Variants in ZNF280C observed in about 807,000 individuals in gnomAD.
ZNF280C encodes the protein suppressor of hairy wing homolog 3.
Under a neutral mutation model 53.6 loss-of-function variants are expected in ZNF280C, and 14 were observed. That is an observed-to-expected ratio of 0.26 (90% CI 0.17 to 0.41). The LOEUF (loss-of-function observed/expected upper bound fraction) is 0.41, where lower values mean the gene tolerates loss of function less well. Ranked by LOEUF, ZNF280C falls within the 10% of genes least tolerant of loss-of-function variation. ZNF280C has a pLI of 1.00. For missense variants in ZNF280C, 416 were observed against 547.1 expected, an observed-to-expected ratio of 0.76 and a Z score of 2.39; for synonymous variants, 203 against 181.1, an observed-to-expected ratio of 1.12 and a Z score of -0.97.
At chrX:130,237,103 A>C (rs1460502215) in intron 6 of ZNF280C, among the ~76,000 whole-genome samples, 1 of 112,138 alleles carries the variant, frequency 8.9e-6, no homozygotes, top group African/African-American at 3.2e-5. Context: ...CCAAACGTTT[A>C]GAGAAACATT....
chrX:130,247,169 C>T (rs1280251045), intron 2 of ZNF280C, among the ~76,000 whole-genome samples, 164 bp from the exon 3 acceptor site: 1 of 112,307 alleles, frequency 8.9e-6, no homozygotes, highest in African/African-American at 3.2e-5. Context: ...GTTGCCCAGG[C>T]GTGATCTCGG....
intron 15 of ZNF280C, among the ~76,000 whole-genome samples, chrX:130,214,126 T>G (rs2032074038): frequency 9.0e-6 from 1 of 111,234 alleles, no homozygotes; most frequent in African/African-American, 3.3e-5. Flanking sequence ...TAACTGAAAA[T>G]AAATGGAACT....
chrX:130,260,382 C>T (rs1383860654), intron 2 of ZNF280C, 37 bp downstream of exon 2: 1 of 1,155,665 alleles, frequency 8.7e-7, no homozygotes, highest in African/African-American at 1.8e-5. Context: ...GTACAAAAAC[C>T]ATGCCTATTA....
Position 130,239,627 on chromosome X carries a change from C to T in ZNF280C, c.448G>A (p.Glu150Lys). ...SSILLFDSTQ[E>K]SLPPSQDIPA... ...ATGTCTTGGGATGGTGGTAGTGATT[C>T]CTGGGTCGAGTCAAACAGTAAAATT... Residue 150 changes from glutamate (E) to lysine (K), a missense_variant, in exon 6 of 19, where the codon GAA (glutamate) becomes AAA (lysine). Physicochemically the swap from Glu to Lys is moderately conservative, Grantham distance 56 (BLOSUM62 1). Transcript: ENST00000370978. 2 of 1,205,017 alleles carry T rather than the reference C, an allele frequency of 1.7e-6. No homozygotes were observed. Among genetic ancestry groups the T allele is most frequent in the Admixed American group, 2.2e-5 (1 of 45,864 alleles).
intron 2 of ZNF280C, among the ~76,000 whole-genome samples, chrX:130,255,548 T>A (rs1213524138): frequency 9.2e-6 from 1 of 108,152 alleles, no homozygotes; most frequent in Non-Finnish European, 1.9e-5. Flanking sequence ...ACAAAAAAAA[T>A]TCCTAGTTCT....
chrX:130,266,776 GA>G (rs901284652), intron 1 of ZNF280C, among the ~76,000 whole-genome samples: 1 of 111,514 alleles, frequency 9.0e-6, no homozygotes, highest in African/African-American at 3.3e-5. Context: ...AGAGCACTGG[GA>G]AAAAAAGTCT....
intron 3 of ZNF280C, among the ~76,000 whole-genome samples, chrX:130,245,058 C>T (rs940127797): frequency 9.0e-6 from 1 of 111,556 alleles, no homozygotes; most frequent in African/African-American, 3.3e-5. Context: ...CTCTCCTTCC[C>T]CTGCCTTCAT....
intron 14 of ZNF280C, 124 bp from the exon 15 acceptor site, chrX:130,215,457 AAT>A (rs1486201575): frequency 1.5e-6 from 1 of 683,447 alleles, no homozygotes; most frequent in African/African-American, 2.3e-5. Context: ...GTAGACTCAT[AAT>A]TTCAAAATTT....
chrX:130,216,305 T>G (rs2032103567), intron 13 of ZNF280C, among the ~76,000 whole-genome samples: 1 of 111,655 alleles, frequency 9.0e-6, no homozygotes, highest in Non-Finnish European at 1.9e-5. Context: ...AACCCTTACC[T>G]CATATTATAT....
At chrX:130,227,213 T>TA (rs763346935) in intron 11 of ZNF280C, among the ~76,000 whole-genome samples, 240 of 112,085 alleles carry the variant, frequency 2.1e-3, no homozygotes, top group Admixed American at 5.1e-3. Flanking sequence ...TTTCCTGCTA[T>TA]ATAAAACAGA....
chrX:130,233,325 A>T (rs2032297415), intron 8 of ZNF280C, among the ~76,000 whole-genome samples: 1 of 111,779 alleles, frequency 8.9e-6, no homozygotes, highest in African/African-American at 3.3e-5. Context: ...TTACATACTT[A>T]AAAAAATTTG....
At chrX:130,263,228 A>C (rs2032649790) in intron 1 of ZNF280C, among the ~76,000 whole-genome samples, 1 of 112,606 alleles carries the variant, frequency 8.9e-6, no homozygotes, top group African/African-American at 3.2e-5. Flanking sequence ...AATTGAAAAC[A>C]TATGTCCACA....
intron 8 of ZNF280C, among the ~76,000 whole-genome samples, chrX:130,235,377 T>C (rs960088174): frequency 3.1e-4 from 34 of 111,229 alleles, no homozygotes; most frequent in Middle Eastern, 4.2e-3. Flanking sequence ...TAGCCAGGCA[T>C]GGTGGTGCTA....
intron 3 of ZNF280C, 86 bp from the exon 4 acceptor site, chrX:130,243,951 T>A (rs940414889): frequency 2.0e-4 from 111 of 558,406 alleles, no homozygotes; most frequent in Middle Eastern, 6.1e-4. Flanking sequence ...TATCTTTGCA[T>A]AACCAATAAT....
At chrX:130,259,611 G>A (rs1426602808) in intron 2 of ZNF280C, among the ~76,000 whole-genome samples, 2 of 112,448 alleles carry the variant, frequency 1.8e-5, no homozygotes, top group Non-Finnish European at 3.8e-5. Flanking sequence ...AGTAGTTATC[G>A]CTGGGGATGA....
At chrX:130,224,796 G>A (rs1394997920) in intron 12 of ZNF280C, among the ~76,000 whole-genome samples, 1 of 111,380 alleles carries the variant, frequency 9.0e-6, no homozygotes, top group African/African-American at 3.3e-5. Flanking sequence ...ATTTTCAGAC[G>A]ACTCCTCCCA....
At position 130,211,010 on chromosome X, in the gene ZNF280C, A is replaced by C. The variant is rs185565317; in HGVS notation, c.1980-1295T>G. ...GATTCTTATGCAAGCTAGTTTGAGA[A>C]GCACTAGCCCTATCTTGCACTGACA... On this transcript the variant is annotated intron_variant, in intron 15 of 18. Coordinates refer to ENST00000370978, the MANE Select transcript of ZNF280C (RefSeq NM_017666.5). Among the ~76,000 whole-genome samples the C allele has an allele frequency of 3.6e-5, 4 of 112,526 alleles. No homozygotes were observed. The Admixed American group carries it at 3.8e-4, about 11-fold the overall frequency.
chrX:130,207,411 G>A (rs2031987366), intron 16 of ZNF280C, among the ~76,000 whole-genome samples: 2 of 111,751 alleles, frequency 1.8e-5, no homozygotes, highest in African/African-American at 3.3e-5. Flanking sequence ...CCAGGCTGGA[G>A]TGCAGTGGCG....
Position 130,216,038 on chromosome X carries a change from C to A in ZNF280C, c.1591G>T (p.Ala531Ser). ...SKLPTAPFGC[A>S]PGTSFLQVTP... ...ACCTGAAGAAAAGAAGTGCCTGGAG[C>A]GCAACCGAAAGGTGCAGTTGGTAAT... Residue 531 changes from alanine to serine, a missense_variant, in exon 14 of 19, where the codon GCT (alanine) becomes TCT (serine). Around this residue, in one of 3 missense-constraint regions of ZNF280C, gnomAD observed 151 missense variants for 176.9 expected, o/e 0.85. Coordinates refer to ENST00000370978, the MANE Select transcript of ZNF280C (RefSeq NM_017666.5). 8.3e-7 allele frequency: 1 copy of A among 1,211,014 alleles called. No homozygotes were observed. The highest frequency in any genetic ancestry group is 1.1e-6 in the Non-Finnish European group (1 of 895,117).
Sources: allele counts gnomAD v4.1 joint callset (sites outside exome capture counted in the v4.1 genomes callset), GRCh38; gene constraint gnomAD v4.1.1; regional missense constraint gnomAD v4.1.1; transcripts MANE v1.5; gene names NCBI Gene and HGNC (gene_info 2026-07-23, HGNC 2026-07-21).